ESYT2: variants seen among roughly 807,000 people sequenced by gnomAD.
ESYT2 encodes the protein extended synaptotagmin-2.
In ESYT2, 54 loss-of-function variants were observed where a neutral mutation model predicts 107.2. The observed-to-expected ratio is 0.50, with a 90% CI of 0.40 to 0.63. The LOEUF is 0.63. Ranked by LOEUF, ESYT2 falls within the 30% of genes least tolerant of loss-of-function variation. The pLI, the probability that ESYT2 is intolerant of heterozygous loss-of-function variation, is 0.00. For synonymous variants in ESYT2, 491 were observed against 434.1 expected, an observed-to-expected ratio of 1.13 and a Z score of -1.63; for missense variants, 1,020 against 1,094.5, an observed-to-expected ratio of 0.93 and a Z score of 0.96.
intron 7 of ESYT2, among the ~76,000 whole-genome samples, chr7:158,772,894 T>TTAA (rs748731468): frequency 2.8e-5 from 4 of 142,018 alleles, no homozygotes; most frequent in African/African-American, 1.0e-4. Flanking sequence ...GAATAAAAGT[T>TTAA]AAAAAAAAAA....
chr7:158,737,929 C>T (rs1328337291), intron 19 of ESYT2, among the ~76,000 whole-genome samples: 4 of 152,148 alleles, frequency 2.6e-5, no homozygotes, highest in Non-Finnish European at 5.9e-5. Context: ...GCAACAGTCA[C>T]CTGACTTTAT....
chr7:158,781,717 G>A (rs1180161052), intron 6 of ESYT2, among the ~76,000 whole-genome samples: 2 of 151,396 alleles, frequency 1.3e-5, no homozygotes, highest in Non-Finnish European at 2.9e-5. Context: ...GTGTAAGAAC[G>A]AGAACAAATG....
At chr7:158,777,650 CTCCTT>C (rs55716302) in intron 6 of ESYT2, among the ~76,000 whole-genome samples, 3,039 of 152,266 alleles carry the variant, frequency 0.02, 43 homozygotes, top group Non-Finnish European at 0.034. Context: ...TCAATTAACC[CTCCTT>C]TCTTTATAAA....
chr7:158,829,414 C>T lies in ESYT2; in HGVS notation c.5G>A (p.Ser2Asn), dbSNP rs1840565975. 1 of 1,195,492 alleles carries T rather than the reference C, an allele frequency of 8.4e-7. No homozygotes were observed. The highest frequency in any genetic ancestry group is 1.0e-6 in the Non-Finnish European group (1 of 970,158). The allele number at this position is 1,195,492 out of a possible 1,614,324, so 74.1% of individuals were successfully genotyped here. A position where few individuals can be genotyped will look rare whatever the true frequency, so the allele number is the denominator to read the frequency against. Residue 2 changes from serine to asparagine, a missense_variant, in exon 1 of 23, where the codon AGC becomes AAC. Physicochemically the swap from Ser to Asn is conservative, Grantham distance 46 (BLOSUM62 1). Coordinates refer to ENST00000275418, the MANE Select transcript of ESYT2 (RefSeq NM_001367773.1). M[S>N]GARGEGPEAG... ...CTCCGGGCCCTCGCCCCGGGCGCCG[C>T]TCATCGCCCCGCAGTGCCGCGCTGC... is the stretch of plus-strand genomic sequence containing the variant.
At chr7:158,782,092 A>C (rs1838867732) in intron 6 of ESYT2, among the ~76,000 whole-genome samples, 1 of 151,938 alleles carries the variant, frequency 6.6e-6, no homozygotes, top group Non-Finnish European at 1.5e-5. Context: ...AACAAATGTG[A>C]GTGAACGACA....
chr7:158,819,986 T>C (rs1312803205), intron 1 of ESYT2, among the ~76,000 whole-genome samples: 2 of 148,906 alleles, frequency 1.3e-5, no homozygotes, highest in South Asian at 4.3e-4. Context: ...ACTGAAGCTG[T>C]TATCCGAAAG....
intron 15 of ESYT2, among the ~76,000 whole-genome samples, chr7:158,748,777 T>C (rs1323184432): frequency 6.6e-6 from 1 of 151,822 alleles, no homozygotes; most frequent in Admixed American, 6.6e-5. Context: ...TGGAGTGCAG[T>C]GGCGCAATCT....
intron 1 of ESYT2, among the ~76,000 whole-genome samples, chr7:158,805,684 A>G (rs1020748093): frequency 6.6e-6 from 1 of 152,250 alleles, no homozygotes; most frequent in African/African-American, 2.4e-5. Flanking sequence ...TGGTGCAATG[A>G]CACTGCTTAA....
intron 18 of ESYT2, among the ~76,000 whole-genome samples, chr7:158,740,079 G>C (rs56030281): frequency 0.24 from 36,094 of 152,174 alleles, 5,155 homozygotes; most frequent in East Asian, 0.59. Flanking sequence ...TGCTGACTCA[G>C]TGACCCCTGC....
At chr7:158,788,626 G>A (rs925060228) in intron 4 of ESYT2, among the ~76,000 whole-genome samples, 3 of 152,120 alleles carry the variant, frequency 2.0e-5, no homozygotes, top group Non-Finnish European at 4.4e-5. Flanking sequence ...CTGCTATGAC[G>A]TTGGGAGGAA....
intron 6 of ESYT2, among the ~76,000 whole-genome samples, chr7:158,780,865 C>T (rs1042987068): frequency 6.6e-6 from 1 of 152,100 alleles, no homozygotes; most frequent in African/African-American, 2.4e-5. Context: ...GGTGAAGGAG[C>T]AAGAGCCAGA....
At chr7:158,777,073 C>T (rs148727570) in intron 6 of ESYT2, among the ~76,000 whole-genome samples, 9 of 151,744 alleles carry the variant, frequency 5.9e-5, no homozygotes, top group African/African-American at 1.2e-4. Context: ...ATGTTGACCA[C>T]GCTGGTCTTG....
At chr7:158,822,828 T>C (rs1435074487) in intron 1 of ESYT2, among the ~76,000 whole-genome samples, 1 of 152,002 alleles carries the variant, frequency 6.6e-6, no homozygotes, top group Non-Finnish European at 1.5e-5. Context: ...TTACCTAGTT[T>C]TTAAAATTCA....
intron 6 of ESYT2, among the ~76,000 whole-genome samples, chr7:158,774,888 G>C (rs1245392351): frequency 6.6e-6 from 1 of 152,166 alleles, no homozygotes; most frequent in Admixed American, 6.5e-5. Context: ...ATGAACTTCA[G>C]GAAAGGATGG....
intron 4 of ESYT2, among the ~76,000 whole-genome samples, chr7:158,789,958 C>T (rs986179268): frequency 4.6e-5 from 7 of 152,318 alleles, no homozygotes; most frequent in African/African-American, 1.4e-4. Context: ...CAAACTCGCT[C>T]GGTGCTGGGG....
chr7:158,755,457 T>C (rs1012870779), intron 13 of ESYT2, among the ~76,000 whole-genome samples: 1 of 152,188 alleles, frequency 6.6e-6, no homozygotes, highest in Non-Finnish European at 1.5e-5. Flanking sequence ...ACTTCCTTTC[T>C]GCAAAAGGAA....
At chr7:158,811,338 C>T (rs1415187732) in intron 1 of ESYT2, among the ~76,000 whole-genome samples, 1 of 152,172 alleles carries the variant, frequency 6.6e-6, no homozygotes, top group Non-Finnish European at 1.5e-5. Flanking sequence ...ATTCAGAGTT[C>T]CTTGTTCGTG....
intron 19 of ESYT2, among the ~76,000 whole-genome samples, chr7:158,737,553 A>T (rs7781773): frequency 6.6e-6 from 1 of 152,046 alleles, no homozygotes; most frequent in Non-Finnish European, 1.5e-5. Context: ...CCCCTCCAGA[A>T]GGGGGCTGCT....
intron 7 of ESYT2, among the ~76,000 whole-genome samples, chr7:158,770,180 C>T (rs929964709): frequency 6.6e-6 from 1 of 152,012 alleles, no homozygotes; most frequent in African/African-American, 2.4e-5. Flanking sequence ...TATGAGCCAC[C>T]GCGTTCAGCC....
Sources: gnomAD v4.1 joint callset for allele counts (sites outside exome capture counted in the v4.1 genomes callset) on GRCh38, gnomAD v4.1.1 for gene constraint, MANE v1.5 for transcripts, NCBI Gene and HGNC (gene_info 2026-07-23, HGNC 2026-07-21) for gene names.